The following LRRTM4 variants were observed in gnomAD, a reference collection of about 807,000 sequenced individuals.
The protein encoded by LRRTM4 is leucine-rich repeat transmembrane neuronal protein 4.
Under a neutral mutation model 47.6 loss-of-function variants are expected in LRRTM4, and 25 were observed. The ratio of observed to expected loss-of-function variants is 0.53; its 90% CI spans 0.38 to 0.73. LRRTM4 has a LOEUF of 0.73. Among genes scored for constraint, LRRTM4 ranks in the 30% least tolerant of loss-of-function variants. The probability of loss-of-function intolerance (pLI) is 0.00; values close to 1 mark genes in which losing one functional copy is unlikely to be tolerated. For missense variants in LRRTM4, 638 were observed against 713.4 expected, an observed-to-expected ratio of 0.89 and a Z score of 1.20; for synonymous variants, 311 against 269.5, an observed-to-expected ratio of 1.15 and a Z score of -1.51.
intron 3 of LRRTM4, among the ~76,000 whole-genome samples, chr2:76,954,870 T>C (rs7564533): frequency 2.0e-5 from 3 of 151,642 alleles, no homozygotes; most frequent in South Asian, 2.1e-4. Flanking sequence ...AGCAGAAACC[T>C]TGTGGGCCAG....
At chr2:76,908,778 C>A (rs542990250) in intron 3 of LRRTM4, among the ~76,000 whole-genome samples, 4,246 of 151,478 alleles carry the variant, frequency 0.028, 189 homozygotes, top group African/African-American at 0.092. Flanking sequence ...TAGGAATCCA[C>A]CTTACAAGGG....
chr2:76,985,805 G>C lies in LRRTM4; in HGVS notation c.1552-236889C>G, dbSNP rs569623979. On this transcript the variant is annotated intron_variant, in intron 3 of 3. Transcript: ENST00000409884. ...GTGGCTCTGTTAATGTACTACGCAC[G>C]CATCATTTTTAATCATAAAAGAATA... is the stretch of plus-strand genomic sequence containing the variant. Among the ~76,000 whole-genome samples, 10 of 151,938 alleles carry C rather than the reference G, an allele frequency of 6.6e-5. No homozygotes were observed. In the South Asian group the frequency reaches 1.7e-3, roughly 25 times the overall value.
intron 3 of LRRTM4, among the ~76,000 whole-genome samples, chr2:76,917,429 A>C (rs1208130204): frequency 6.6e-6 from 1 of 152,166 alleles, no homozygotes; most frequent in Non-Finnish European, 1.5e-5. Flanking sequence ...TGGAGGAGTT[A>C]ACTCCCTCTA....
At chr2:76,970,936 G>A (rs565572849) in intron 3 of LRRTM4, among the ~76,000 whole-genome samples, 1 of 152,074 alleles carries the variant, frequency 6.6e-6, no homozygotes, top group African/African-American at 2.4e-5. Context: ...TGAGTCATGG[G>A]ATCATGGTAT....
chr2:76,829,567 C>G (rs1272081479), intron 3 of LRRTM4, among the ~76,000 whole-genome samples: 1 of 151,946 alleles, frequency 6.6e-6, no homozygotes, highest in African/African-American at 2.4e-5. Context: ...CCCTCACTCT[C>G]TGTAATAACA....
In LRRTM4 at chr2:76,979,932, C is replaced by T. The variant is rs1346912973; in HGVS notation, c.1552-231016G>A. On this transcript the variant is annotated intron_variant, in intron 3 of 3. Coordinates refer to ENST00000409884, the MANE Select transcript of LRRTM4 (RefSeq NM_001134745.3). ...GAAATAAACTCTCTGATCCAAATTA[C>T]CCCACACTGCATCCAAATGGTTAAC... Among the ~76,000 whole-genome samples, 4 of 152,068 alleles carry T rather than the reference C, an allele frequency of 2.6e-5. No homozygotes were observed. The East Asian group carries it at 7.8e-4, about 30-fold the overall frequency.
At chr2:77,092,546 T>TC (rs570115384) in intron 3 of LRRTM4, among the ~76,000 whole-genome samples, 1,787 of 134,944 alleles carry the variant, frequency 0.013, 52 homozygotes, top group African/African-American at 0.055. Context: ...TCAGGCCCCC[T>TC]CCTTTCCCTA....
At chr2:77,343,473 A>G (rs751134445) in intron 3 of LRRTM4, among the ~76,000 whole-genome samples, 13 of 151,940 alleles carry the variant, frequency 8.6e-5, no homozygotes, top group Non-Finnish European at 1.5e-4. Context: ...AGTAATCAGT[A>G]TCTTGTATTC....
intron 3 of LRRTM4, among the ~76,000 whole-genome samples, chr2:76,977,097 A>T (rs1444464711): frequency 1.3e-5 from 2 of 151,550 alleles, no homozygotes; most frequent in East Asian, 3.9e-4. Flanking sequence ...CTTACCTTTG[A>T]GCTAGCAACC....
intron 3 of LRRTM4, among the ~76,000 whole-genome samples, chr2:76,846,011 T>G (rs911426546): frequency 5.9e-5 from 9 of 152,148 alleles, no homozygotes; most frequent in African/African-American, 2.2e-4. Flanking sequence ...AATACGGTAT[T>G]TGCAGGATAT....
chr2:77,283,281 G>A lies in LRRTM4; in HGVS notation c.1551+235037C>T, dbSNP rs181872657. 3.2e-4 allele frequency among the ~76,000 whole-genome samples: 48 copies of A among 151,772 alleles called. 1 individual carries two copies. The highest frequency in any genetic ancestry group is 2.6e-3 in the Admixed American group (40 of 15,194). On this transcript the variant is annotated intron_variant, in intron 3 of 3. Transcript: ENST00000409884. ...CAAACCAAAACCACAATGACATACCGTCTCATACCAGTCAGAATGGCTATT... is the reference window on the plus strand; with the variant it reads ...CAAACCAAAACCACAATGACATACCATCTCATACCAGTCAGAATGGCTATT...
chr2:76,823,767 C>T (rs765928927), intron 3 of LRRTM4, among the ~76,000 whole-genome samples: 1 of 151,246 alleles, frequency 6.6e-6, no homozygotes, highest in African/African-American at 2.4e-5. Flanking sequence ...TTCTAGATAT[C>T]AAAAAATAAA....
chr2:76,815,913 T>G (rs533227000), intron 3 of LRRTM4, among the ~76,000 whole-genome samples: 348 of 152,170 alleles, frequency 2.3e-3, no homozygotes, highest in Non-Finnish European at 3.7e-3. Flanking sequence ...TGAAATTGAT[T>G]TTATTATCTT....
chr2:77,181,112 T>C (rs1372715190), intron 3 of LRRTM4, among the ~76,000 whole-genome samples: 1 of 152,182 alleles, frequency 6.6e-6, no homozygotes, highest in African/African-American at 2.4e-5. Context: ...TAGCAAAGGA[T>C]GACATAAACT....
At position 76,798,529 on chromosome 2, in the gene LRRTM4, C is replaced by T. The variant is rs548761153; in HGVS notation, c.1552-49613G>A. Among the ~76,000 whole-genome samples the T allele has an allele frequency of 7.7e-4, 112 of 145,160 alleles. No homozygotes were observed. The Middle Eastern group carries it at 0.011, about 14-fold the overall frequency. On this transcript the variant is annotated intron_variant, in intron 3 of 3. Transcript: ENST00000409884. ...ATCCAAAATTGACACCCTAACATCACAATTAAAAGAACTAGAAAAGCAAGA... is the reference window on the plus strand; with the variant it reads ...ATCCAAAATTGACACCCTAACATCATAATTAAAAGAACTAGAAAAGCAAGA...
rs535565859 is a variant in LRRTM4 at position 76,909,798 on chromosome 2, A to G, written c.1552-160882T>C. 5.9e-5 allele frequency among the ~76,000 whole-genome samples: 9 copies of G among 152,356 alleles called. 1 individual carries two copies. The East Asian group carries it at 1.7e-3, about 29-fold the overall frequency. ...ATGCAAATCAAAACCACAGTGAGAT[A>G]TCATCTCACACCAGTTAGAATGGCA... is the stretch of plus-strand genomic sequence containing the variant. On this transcript the variant is annotated intron_variant, in intron 3 of 3. Transcript: ENST00000409884.
intron 3 of LRRTM4, among the ~76,000 whole-genome samples, chr2:77,024,192 C>A (rs1466825798): frequency 6.6e-6 from 1 of 152,184 alleles, no homozygotes; most frequent in Non-Finnish European, 1.5e-5. Flanking sequence ...TCCCACAACA[C>A]ATGGTAATTA....
intron 3 of LRRTM4, among the ~76,000 whole-genome samples, chr2:77,128,897 C>T (rs1215444885): frequency 1.3e-5 from 2 of 152,156 alleles, no homozygotes; most frequent in Non-Finnish European, 2.9e-5. Flanking sequence ...GTCGTGGCCT[C>T]CCAAAGTGAT....
intron 3 of LRRTM4, among the ~76,000 whole-genome samples, chr2:77,205,308 T>C (rs1030453054): frequency 6.6e-6 from 1 of 152,058 alleles, no homozygotes; most frequent in Non-Finnish European, 1.5e-5. Flanking sequence ...TAGGACGATA[T>C]CAGATATTGG....
Sources: gnomAD v4.1 joint callset for allele counts (sites outside exome capture counted in the v4.1 genomes callset) on GRCh38, gnomAD v4.1.1 for gene constraint, MANE v1.5 for transcripts, NCBI Gene and HGNC (gene_info 2026-07-23, HGNC 2026-07-21) for gene names.